The following CLTCL1 variants were observed in gnomAD, a reference collection of about 807,000 sequenced individuals.
CLTCL1 encodes clathrin heavy chain 2.
CLTCL1 carries 159 observed loss-of-function variants against 190.0 expected under a neutral mutation model. The ratio of observed to expected loss-of-function variants is 0.84; its 90% CI spans 0.74 to 0.95. The LOEUF is 0.95. CLTCL1 is among the 40% of genes least tolerant of loss of function. The probability of loss-of-function intolerance (pLI) is 0.00; values close to 1 mark genes in which losing one functional copy is unlikely to be tolerated. For missense variants in CLTCL1, 1,878 were observed against 2,033.4 expected (o/e 0.92, Z 1.47); for synonymous variants, 752 against 769.6 (o/e 0.98, Z 0.38).
chr22:19,235,831 C>G lies in CLTCL1; in HGVS notation c.834G>C (p.Lys278Asn), dbSNP rs2086065464. Residue 278 changes from lysine to asparagine, a missense_variant, in exon 6 of 33, where the codon AAG (lysine) becomes AAC (asparagine). By Grantham distance (94) the Lys-to-Asn change is moderately conservative. Transcript: ENST00000427926. ...GGTCGTACAGATGAAGATAGCCATA[C>G]TTTGTGATCAAGTAAATAACACCAT... ...AKHGVIYLIT[K>N]YGYLHLYDLE... 2 of 1,613,818 alleles carry G rather than the reference C, an allele frequency of 1.2e-6. No homozygotes were observed. The highest frequency in any genetic ancestry group is 1.7e-6 in the Non-Finnish European group (2 of 1,179,888).
intron 22 of CLTCL1, 109 bp downstream of exon 22, chr22:19,208,045 C>T (rs782151674): frequency 1.5e-5 from 20 of 1,347,526 alleles, no homozygotes; most frequent in African/African-American, 4.3e-5. Flanking sequence ...AAACTGTCTT[C>T]GATGAAACCA....
chr22:19,195,997 C>CA (rs1352438615), intron 26 of CLTCL1, among the ~76,000 whole-genome samples: 1 of 152,232 alleles, frequency 6.6e-6, no homozygotes, highest in Non-Finnish European at 1.5e-5. Flanking sequence ...CAGGCAGGGC[C>CA]ACAGGGCCAC....
chr22:19,219,739 G>A lies in CLTCL1; in HGVS notation c.2919+146C>T, dbSNP rs2085507977. On this transcript the variant is annotated intron_variant, in intron 18 of 32. Transcript: ENST00000427926. ...GACCTCAAGTGATCCACCCACCTCC[G>A]CCTCCCAAATTGCTGGCATTACAGG... 4.2e-6 allele frequency: 5 copies of A among 1,179,732 alleles called. No homozygotes were observed. The Admixed American group carries it at 7.0e-5, about 16-fold the overall frequency. The allele number at this position is 1,179,732 out of a possible 1,614,324, so 73.1% of individuals were successfully genotyped here. A position where few individuals can be genotyped will look rare whatever the true frequency, so the allele number is the denominator to read the frequency against.
At chr22:19,232,250 C>T (rs2085938915) in intron 10 of CLTCL1, among the ~76,000 whole-genome samples, 1 of 152,114 alleles carries the variant, frequency 6.6e-6, no homozygotes, top group South Asian at 2.1e-4. Context: ...AAGACACAAA[C>T]CCAAACAAAC....
chr22:19,264,542 A>C (rs2087055824), intron 2 of CLTCL1, among the ~76,000 whole-genome samples: 1 of 152,198 alleles, frequency 6.6e-6, no homozygotes, highest in African/African-American at 2.4e-5. Flanking sequence ...AGGTACTACT[A>C]TCTCTGAGGT....
At chr22:19,182,028 T>C (rs1359243128) in intron 30 of CLTCL1, 3 of 152,190 alleles carry the variant, frequency 2.0e-5, no homozygotes, top group African/African-American at 7.2e-5. Flanking sequence ...CACAAGCACT[T>C]TGACCCCCAC....
chr22:19,272,259 C>T (rs1429693381), intron 2 of CLTCL1, among the ~76,000 whole-genome samples: 1 of 152,154 alleles, frequency 6.6e-6, no homozygotes, highest in African/African-American at 2.4e-5. Context: ...CAAAATGTAT[C>T]TGGTTTTAAA....
At chr22:19,183,107 G>A in intron 30 of CLTCL1, 1 of 421,642 alleles carries the variant, frequency 2.4e-6, no homozygotes, top group South Asian at 2.4e-5. Context: ...CGCCTGTTGT[G>A]CTCCTAGCAG....
At chr22:19,232,648 A>G (rs1555959689) in intron 9 of CLTCL1, 50 bp from the exon 10 acceptor site, 3 of 1,560,006 alleles carry the variant, frequency 1.9e-6, no homozygotes, top group Admixed American at 3.9e-5. Flanking sequence ...AACCCTGGGC[A>G]TTAGAAAAGG....
intron 13 of CLTCL1, 122 bp from the exon 14 acceptor site, chr22:19,224,176 C>T: frequency 2.1e-6 from 2 of 931,448 alleles, no homozygotes; most frequent in South Asian, 1.7e-5. Flanking sequence ...ACACTCAGAA[C>T]TCATAATCAA....
At chr22:19,285,643 G>A (rs1297122595) in intron 1 of CLTCL1, among the ~76,000 whole-genome samples, 2 of 152,168 alleles carry the variant, frequency 1.3e-5, no homozygotes, top group African/African-American at 4.8e-5. Context: ...CAAGAGTGAT[G>A]GTCATCTCTC....
At chr22:19,262,942 G>A (rs536991551) in intron 2 of CLTCL1, among the ~76,000 whole-genome samples, 12 of 150,886 alleles carry the variant, frequency 8.0e-5, no homozygotes, top group African/African-American at 2.7e-4. Context: ...GAGGCAGGAG[G>A]ATCCCTTAAC....
chr22:19,248,221 C>T (rs969716164), intron 3 of CLTCL1, among the ~76,000 whole-genome samples: 8 of 151,964 alleles, frequency 5.3e-5, no homozygotes, highest in African/African-American at 1.4e-4. Context: ...CGCTTGAACC[C>T]GGGAGGCGGA....
intron 2 of CLTCL1, among the ~76,000 whole-genome samples, chr22:19,257,258 A>G (rs548776445): frequency 6.6e-6 from 1 of 152,220 alleles, no homozygotes; most frequent in African/African-American, 2.4e-5. Context: ...CCAGTGGAAT[A>G]TAAGAGAGAA....
chr22:19,203,597 C>A (rs1391162537), intron 22 of CLTCL1, among the ~76,000 whole-genome samples: 1 of 152,180 alleles, frequency 6.6e-6, no homozygotes, highest in Non-Finnish European at 1.5e-5. Flanking sequence ...TCCATCTCCC[C>A]CTCTCCCTGC....
intron 29 of CLTCL1, among the ~76,000 whole-genome samples, chr22:19,185,069 C>T (rs28391695): frequency 0.023 from 3,522 of 152,364 alleles, 135 homozygotes; most frequent in African/African-American, 0.08. Flanking sequence ...TGACTGGACA[C>T]GCTGTGACCT....
chr22:19,291,271 G>T (rs1367683273), intron 1 of CLTCL1, among the ~76,000 whole-genome samples: 1 of 152,208 alleles, frequency 6.6e-6, no homozygotes, highest in Non-Finnish European at 1.5e-5. Flanking sequence ...TGGGATCCGC[G>T]CGGCCCTTGG....
intron 29 of CLTCL1, among the ~76,000 whole-genome samples, chr22:19,187,012 G>A (rs1134478): frequency 0.059 from 8,925 of 150,648 alleles, 328 homozygotes; most frequent in Middle Eastern, 0.16. Flanking sequence ...GCTCACTGCA[G>A]CCTCTGACTC....
chr22:19,256,847 T>C (rs1310702349), intron 2 of CLTCL1, among the ~76,000 whole-genome samples: 1 of 151,894 alleles, frequency 6.6e-6, no homozygotes, highest in Non-Finnish European at 1.5e-5. Context: ...CTATAATGAA[T>C]ATGGAAATGC....
Sources: gnomAD v4.1 joint callset for allele counts (sites outside exome capture counted in the v4.1 genomes callset) on GRCh38, gnomAD v4.1.1 for gene constraint, MANE v1.5 for transcripts, NCBI Gene and HGNC (gene_info 2026-07-23, HGNC 2026-07-21) for gene names.